Variants in ADAMTS3 observed in about 807,000 individuals in gnomAD.
ADAMTS3 encodes A disintegrin and metalloproteinase with thrombospondin motifs 3.
ADAMTS3 carries 73 observed loss-of-function variants against 129.0 expected under a neutral mutation model. That is an observed-to-expected ratio of 0.57 (90% CI 0.47 to 0.69). The LOEUF (loss-of-function observed/expected upper bound fraction) is 0.69. Ranked by LOEUF, ADAMTS3 falls within the 30% of genes least tolerant of loss-of-function variation. The probability of loss-of-function intolerance (pLI) is 0.00; values close to 1 mark genes in which losing one functional copy is unlikely to be tolerated. For synonymous variants in ADAMTS3, 477 were observed against 510.8 expected (o/e 0.93, Z 0.89); for missense variants, 1,457 against 1,514.5 (o/e 0.96, Z 0.63).
intron 3 of ADAMTS3, among the ~76,000 whole-genome samples, chr4:72,463,176 T>G (rs1213333651): frequency 6.6e-6 from 1 of 152,050 alleles, no homozygotes; most frequent in Non-Finnish European, 1.5e-5. Context: ...CTGTACAGGT[T>G]TGTAGCCTAG....
intron 2 of ADAMTS3, among the ~76,000 whole-genome samples, chr4:72,561,126 G>A (rs1019385370): frequency 6.6e-6 from 1 of 152,076 alleles, no homozygotes; most frequent in African/African-American, 2.4e-5. Context: ...GCTGAGGCGG[G>A]TGGATCACAA....
intron 3 of ADAMTS3, among the ~76,000 whole-genome samples, chr4:72,487,404 G>T (rs1263231118): frequency 6.6e-6 from 1 of 152,036 alleles, no homozygotes; most frequent in Non-Finnish European, 1.5e-5. Context: ...AGGTGGCTTG[G>T]AGCCAAGAAA....
At chr4:72,495,645 G>A (rs978878454) in intron 3 of ADAMTS3, among the ~76,000 whole-genome samples, 1 of 151,938 alleles carries the variant, frequency 6.6e-6, no homozygotes, top group Non-Finnish European at 1.5e-5. Flanking sequence ...AAAATACCTA[G>A]AAAAATCATC....
At chr4:72,520,063 A>T (rs1442661133) in intron 3 of ADAMTS3, among the ~76,000 whole-genome samples, 1 of 152,018 alleles carries the variant, frequency 6.6e-6, no homozygotes, top group Non-Finnish European at 1.5e-5. Context: ...AACAGACAGG[A>T]CCCTCAGCTG....
At chr4:72,449,688 C>T (rs1206642975) in intron 3 of ADAMTS3, among the ~76,000 whole-genome samples, 2 of 151,834 alleles carry the variant, frequency 1.3e-5, no homozygotes, top group East Asian at 2.0e-4. Context: ...TCCTTCCTGG[C>T]CCCTATTATA....
intron 4 of ADAMTS3, among the ~76,000 whole-genome samples, chr4:72,389,020 C>T (rs145205170): frequency 4.9e-4 from 74 of 152,304 alleles, no homozygotes; most frequent in African/African-American, 1.7e-3. Flanking sequence ...TAGCCATCCT[C>T]GGCCTAGCAC....
At chr4:72,295,474 A>G (rs997308235) in intron 19 of ADAMTS3, among the ~76,000 whole-genome samples, 180 bp downstream of exon 19, 5 of 152,100 alleles carry the variant, frequency 3.3e-5, no homozygotes, top group African/African-American at 1.2e-4. Context: ...TTTTTGAGGA[A>G]CAAGAATGTG....
chr4:72,325,062 T>C (rs1480476993), intron 5 of ADAMTS3, among the ~76,000 whole-genome samples: 1 of 152,086 alleles, frequency 6.6e-6, no homozygotes, highest in Non-Finnish European at 1.5e-5. Context: ...TAAAAAATTT[T>C]ATAAGTGAGA....
At chr4:72,502,405 G>A in intron 3 of ADAMTS3, among the ~76,000 whole-genome samples, 1 of 152,114 alleles carries the variant, frequency 6.6e-6, no homozygotes, top group East Asian at 1.9e-4. Context: ...TGTGTACATA[G>A]GTGTTCATAA....
At chr4:72,298,067 G>C (rs1340861750) in intron 18 of ADAMTS3, among the ~76,000 whole-genome samples, 1 of 152,074 alleles carries the variant, frequency 6.6e-6, no homozygotes, top group Non-Finnish European at 1.5e-5. Context: ...AAAAGGGCAA[G>C]AGGATTTTAA....
At chr4:72,449,813 T>C (rs1012656693) in intron 3 of ADAMTS3, among the ~76,000 whole-genome samples, 1 of 151,780 alleles carries the variant, frequency 6.6e-6, no homozygotes, top group African/African-American at 2.4e-5. Context: ...ACTCGTCCTC[T>C]CTGCCAGAAA....
intron 3 of ADAMTS3, among the ~76,000 whole-genome samples, chr4:72,460,498 C>A (rs1718737649): frequency 6.6e-6 from 1 of 150,786 alleles, no homozygotes; most frequent in African/African-American, 2.4e-5. Context: ...TAAGCAGTAT[C>A]CAAGTACAAA....
At chr4:72,421,659 AGAG>A (rs1426298452) in intron 3 of ADAMTS3, among the ~76,000 whole-genome samples, 1 of 152,222 alleles carries the variant, frequency 6.6e-6, no homozygotes, top group East Asian at 1.9e-4. Context: ...ACATTTAATT[AGAG>A]TAGTGGGGGC....
In ADAMTS3 at chr4:72,339,694, C is replaced by CTT. The variant is rs1325157535; in HGVS notation, c.662-2_662-1insAA. The CTT allele has an allele frequency of 6.2e-7, 1 of 1,613,244 alleles. No homozygotes were observed. On this transcript the variant is annotated splice_acceptor_variant, in intron 4 of 21. Coordinates refer to ENST00000286657, the MANE Select transcript of ADAMTS3 (RefSeq NM_014243.3). LOFTEE classifies it high-confidence loss of function. ...TCATCAAGGCCTTCCAGGTCCGACT[C>CTT]TAATAAGAGACAAAAGGAACCAGGA...
intron 3 of ADAMTS3, among the ~76,000 whole-genome samples, chr4:72,537,790 G>A (rs752087888): frequency 2.6e-5 from 4 of 152,038 alleles, no homozygotes; most frequent in African/African-American, 4.8e-5. Flanking sequence ...CAATAGATAC[G>A]GTTCCTAAAC....
chr4:72,508,653 T>C (rs1720228359), intron 3 of ADAMTS3, among the ~76,000 whole-genome samples: 1 of 152,236 alleles, frequency 6.6e-6, no homozygotes, highest in African/African-American at 2.4e-5. Flanking sequence ...AGCTATTCAT[T>C]ATTACATTCT....
intron 4 of ADAMTS3, among the ~76,000 whole-genome samples, chr4:72,408,616 A>G (rs987063590): frequency 3.9e-5 from 6 of 151,998 alleles, no homozygotes; most frequent in African/African-American, 1.2e-4. Flanking sequence ...GAAACAAAAG[A>G]TTATTAAACC....
At chr4:72,360,537 T>A (rs1042733492) in intron 4 of ADAMTS3, among the ~76,000 whole-genome samples, 5 of 151,918 alleles carry the variant, frequency 3.3e-5, no homozygotes, top group Admixed American at 6.6e-5. Flanking sequence ...AATGAATGGT[T>A]TTTTTTGAAA....
intron 3 of ADAMTS3, among the ~76,000 whole-genome samples, chr4:72,532,209 C>T (rs1721062682): frequency 1.3e-5 from 2 of 152,112 alleles, no homozygotes; most frequent in African/African-American, 4.8e-5. Context: ...CTTTCAGTCC[C>T]ATCTGCAGAC....
Sources: allele counts gnomAD v4.1 joint callset (sites outside exome capture counted in the v4.1 genomes callset), GRCh38; gene constraint gnomAD v4.1.1; transcripts MANE v1.5; gene names NCBI Gene and HGNC (gene_info 2026-07-23, HGNC 2026-07-21).